NTNG1: variants seen among roughly 807,000 people sequenced by gnomAD.
NTNG1 encodes the protein netrin-G1.
NTNG1 carries 16 observed loss-of-function variants against 54.0 expected under a neutral mutation model. The observed-to-expected ratio is 0.30, with a 90% CI of 0.20 to 0.45. The LOEUF (loss-of-function observed/expected upper bound fraction) is 0.45. NTNG1 is among the 20% of genes least tolerant of loss of function. NTNG1 has a pLI of 1.00. For synonymous variants in NTNG1, 255 were observed against 263.1 expected, an observed-to-expected ratio of 0.97 and a Z score of 0.30; for missense variants, 530 against 678.7, an observed-to-expected ratio of 0.78 and a Z score of 2.43.
At position 107,324,859 on chromosome 1, in the gene NTNG1, T is replaced by A. The variant is rs763891284; in HGVS notation, c.824T>A (p.Phe275Tyr). 2 of 1,613,526 alleles carry A rather than the reference T, an allele frequency of 1.2e-6. No homozygotes were observed. The highest frequency in any genetic ancestry group is 2.2e-5 in the South Asian group (2 of 91,068). ...RLLRPAVGEI[F>Y]VDELHLARYF... Reference sequence around the variant, plus strand: ...TTAAGACCAGCCGTTGGGGAAATATTTGTAGATGAGCTACACTTGGCACGC... The same window carrying A: ...TTAAGACCAGCCGTTGGGGAAATATATGTAGATGAGCTACACTTGGCACGC... The change falls in exon 3 of 8, where the codon TTT (phenylalanine) becomes TAT (tyrosine). Residue 275 changes from phenylalanine (F) to tyrosine (Y), a missense_variant. Phe to Tyr is a conservative substitution (Grantham distance 22). Around this residue, in one of 2 missense-constraint regions of NTNG1, gnomAD observed 318 missense variants for 465.1 expected, o/e 0.68. Transcript: ENST00000370068.
At chr1:107,376,895 G>T (rs1422616708) in intron 3 of NTNG1, among the ~76,000 whole-genome samples, 1 of 152,048 alleles carries the variant, frequency 6.6e-6, no homozygotes, top group Non-Finnish European at 1.5e-5. Context: ...GTAACTATCT[G>T]AATAACGCCT....
At chr1:107,465,510 A>C (rs1448388175) in intron 7 of NTNG1, among the ~76,000 whole-genome samples, 1 of 152,190 alleles carries the variant, frequency 6.6e-6, no homozygotes, top group South Asian at 2.1e-4. Context: ...ATTTCTATCT[A>C]TGTCTATATC....
intron 2 of NTNG1, among the ~76,000 whole-genome samples, chr1:107,176,112 T>C (rs973771654): frequency 2.0e-5 from 3 of 152,150 alleles, no homozygotes; most frequent in Non-Finnish European, 2.9e-5. Flanking sequence ...TACTATTGGG[T>C]AGAAAAACTG....
intron 3 of NTNG1, among the ~76,000 whole-genome samples, chr1:107,337,316 G>T (rs1404111377): frequency 1.3e-5 from 2 of 151,990 alleles, no homozygotes; most frequent in Non-Finnish European, 2.9e-5. Context: ...CTACAACATG[G>T]ATGAAACTTA....
In NTNG1 at chr1:107,403,702, C is replaced by CAA. The variant is rs35555244; in HGVS notation, c.1061-3965_1061-3964dup. 3.5e-3 allele frequency: 469 copies of CAA among 134,000 alleles called. 2 individuals carry two copies. Among genetic ancestry groups the CAA allele is most frequent in the Non-Finnish European group, 3.7e-3 (229 of 62,104 alleles). 8.3% of individuals were successfully genotyped at this position (134,000 alleles called of 1,614,324 possible). ...TTCAGCCTGGATGACAAGACTCTGT[C>CAA]AAAAAAAAAAAAAAAACCTCATGCA... is the stretch of plus-strand genomic sequence containing the variant. On this transcript the variant is annotated intron_variant, in intron 4 of 7. Coordinates refer to ENST00000370068, the MANE Select transcript of NTNG1 (RefSeq NM_001113226.3).
intron 2 of NTNG1, among the ~76,000 whole-genome samples, chr1:107,214,526 G>A (rs529924212): frequency 5.3e-5 from 8 of 152,278 alleles, no homozygotes; most frequent in African/African-American, 1.7e-4. Context: ...ATTGATTGAT[G>A]GGCATTTGGG....
chr1:107,340,311 A>G (rs1668830390), intron 3 of NTNG1, among the ~76,000 whole-genome samples: 1 of 152,098 alleles, frequency 6.6e-6, no homozygotes, highest in Admixed American at 6.6e-5. Flanking sequence ...TTTCAGACAC[A>G]CAGAAATACT....
At chr1:107,363,382 TG>T (rs1181114611) in intron 3 of NTNG1, among the ~76,000 whole-genome samples, 1 of 152,120 alleles carries the variant, frequency 6.6e-6, no homozygotes, top group Non-Finnish European at 1.5e-5. Context: ...ATGAGGAAAC[TG>T]GGGGGTCATC....
Position 107,429,483 on chromosome 1 carries a change from A to G in NTNG1, c.1088-1267A>G, listed in dbSNP as rs556547949. On this transcript the variant is annotated intron_variant, in intron 5 of 7. Transcript: ENST00000370068. ...AGGCCAAAATAGTAACTCAACACCT[A>G]GCCAAGTTCCTGACACATAGGTAGA... Among the ~76,000 whole-genome samples the G allele has an allele frequency of 4.6e-5, 7 of 152,292 alleles. No homozygotes were observed. The East Asian group carries it at 1.4e-3, about 29-fold the overall frequency.
intron 7 of NTNG1, among the ~76,000 whole-genome samples, chr1:107,451,377 G>T (rs1345864477): frequency 6.6e-6 from 1 of 151,926 alleles, no homozygotes; most frequent in African/African-American, 2.4e-5. Context: ...AAACTAAAAG[G>T]CACTGAGGAA....
intron 2 of NTNG1, among the ~76,000 whole-genome samples, chr1:107,268,303 C>T (rs7554452): frequency 0.12 from 18,970 of 152,124 alleles, 3,944 homozygotes; most frequent in African/African-American, 0.43. Context: ...GTCCCCACCA[C>T]TGTAACAAAT....
At chr1:107,222,402 A>G (rs1203197878) in intron 2 of NTNG1, among the ~76,000 whole-genome samples, 1 of 152,206 alleles carries the variant, frequency 6.6e-6, no homozygotes, top group African/African-American at 2.4e-5. Context: ...TGATGTAGCT[A>G]ACATTCATGT....
intron 3 of NTNG1, among the ~76,000 whole-genome samples, chr1:107,374,195 G>C (rs544458125): frequency 3.3e-5 from 5 of 152,068 alleles, no homozygotes; most frequent in Non-Finnish European, 7.4e-5. Flanking sequence ...CTCGTTTGGG[G>C]CATGTTTGTT....
At chr1:107,325,871 A>G (rs1433666476) in intron 3 of NTNG1, among the ~76,000 whole-genome samples, 1 of 152,128 alleles carries the variant, frequency 6.6e-6, no homozygotes, top group East Asian at 1.9e-4. Context: ...ATTGAAACAT[A>G]TGAGGATAAG....
chr1:107,303,047 G>A (rs1666421628), intron 2 of NTNG1, among the ~76,000 whole-genome samples: 1 of 152,116 alleles, frequency 6.6e-6, no homozygotes, highest in African/African-American at 2.4e-5. Flanking sequence ...AAACAATACT[G>A]ATCCTGCAGC....
intron 2 of NTNG1, among the ~76,000 whole-genome samples, chr1:107,161,682 G>GA (rs1457858412): frequency 6.7e-6 from 1 of 148,794 alleles, no homozygotes; most frequent in Non-Finnish European, 1.5e-5. Context: ...AAGAAAAAAA[G>GA]AAAAAACACC....
intron 3 of NTNG1, among the ~76,000 whole-genome samples, chr1:107,344,795 A>G (rs561015606): frequency 5.9e-5 from 9 of 152,180 alleles, no homozygotes; most frequent in Non-Finnish European, 1.0e-4. Context: ...CTTTTGGGTC[A>G]TAAAGTTCAA....
At chr1:107,450,538 T>C (rs1226042887) in intron 7 of NTNG1, among the ~76,000 whole-genome samples, 1 of 151,748 alleles carries the variant, frequency 6.6e-6, no homozygotes, top group East Asian at 1.9e-4. Flanking sequence ...TACAAACAAA[T>C]GACATAATAA....
Position 107,471,599 on chromosome 1 carries a change from T to C in NTNG1, c.1391-9012T>C, listed in dbSNP as rs538255755. ...GGAGAGTGCACATTGAATGAGAATA[T>C]AGAAGTCGTCTTTGAGAAAATGGGC... On this transcript the variant is annotated intron_variant, in intron 7 of 7. Coordinates refer to ENST00000370068, the MANE Select transcript of NTNG1 (RefSeq NM_001113226.3). Among the ~76,000 whole-genome samples the C allele has an allele frequency of 4.9e-4, 74 of 152,306 alleles. 2 individuals are homozygous for C. Among genetic ancestry groups the C allele is most frequent in the Non-Finnish European group, 4.0e-4 (27 of 68,022 alleles).
Sources: allele counts gnomAD v4.1 joint callset (sites outside exome capture counted in the v4.1 genomes callset), GRCh38; gene constraint gnomAD v4.1.1; regional missense constraint gnomAD v4.1.1; transcripts MANE v1.5; gene names NCBI Gene and HGNC (gene_info 2026-07-23, HGNC 2026-07-21).